The following CNTN4 variants were observed in gnomAD, a reference collection of about 807,000 sequenced individuals.
CNTN4 encodes the protein contactin 4.
CNTN4 carries 77 observed loss-of-function variants against 122.5 expected under a neutral mutation model. The ratio of observed to expected loss-of-function variants is 0.63; its 90% CI spans 0.52 to 0.76. CNTN4 has a LOEUF of 0.76. CNTN4 is among the 30% of genes least tolerant of loss of function. The probability of loss-of-function intolerance (pLI) is 0.00; values close to 1 mark genes in which losing one functional copy is unlikely to be tolerated. For synonymous variants in CNTN4, 512 were observed against 447.0 expected, an observed-to-expected ratio of 1.15 and a Z score of -1.83; for missense variants, 1,256 against 1,259.1, an observed-to-expected ratio of 1.00 and a Z score of 0.04.
At chr3:2,449,740 A>G (rs761565026) in intron 3 of CNTN4, among the ~76,000 whole-genome samples, 1 of 152,162 alleles carries the variant, frequency 6.6e-6, no homozygotes, top group African/African-American at 2.4e-5. Context: ...TGGTATATTT[A>G]TGCAATGGAA....
chr3:2,786,358 G>A (rs2091830487), intron 6 of CNTN4, among the ~76,000 whole-genome samples: 1 of 152,186 alleles, frequency 6.6e-6, no homozygotes, highest in South Asian at 2.1e-4. Context: ...GGGGCCACAG[G>A]CAACCCCTAG....
chr3:2,660,123 T>A lies in CNTN4; in HGVS notation c.56-76092T>A, dbSNP rs147435024. Among the ~76,000 whole-genome samples the A allele has an allele frequency of 3.4e-4, 52 of 152,226 alleles. 1 individual carries two copies. The highest frequency in any genetic ancestry group is 6.2e-4 in the Non-Finnish European group (42 of 68,022). Reference sequence around the variant, plus strand: ...GACTGTGAATAATCTATGTGAGGAGTGACCTCAGTTCATTTGAAAGCATCC... The same window carrying A: ...GACTGTGAATAATCTATGTGAGGAGAGACCTCAGTTCATTTGAAAGCATCC... On this transcript the variant is annotated intron_variant, in intron 4 of 24. Coordinates refer to ENST00000418658, the MANE Select transcript of CNTN4 (RefSeq NM_175607.3).
intron 3 of CNTN4, among the ~76,000 whole-genome samples, chr3:2,481,055 T>TTCTTTCTTTCTTTCTTTCTTTCTC (rs1213100693): frequency 0.026 from 3,498 of 134,532 alleles, 78 homozygotes; most frequent in Middle Eastern, 0.046. Flanking sequence ...CTTTCTTTCT[T>TTCTTTCTTTCTTTCTTTCTTTCTC]TCTTTCTCTC....
At chr3:2,735,835 C>G (rs2089045690) in intron 4 of CNTN4, 18 of 398,586 alleles carry the variant, frequency 4.5e-5, no homozygotes, top group South Asian at 3.3e-4. Flanking sequence ...AAAATGTTAG[C>G]TTTATGACAC....
At chr3:2,367,372 A>G (rs1950265277) in intron 3 of CNTN4, among the ~76,000 whole-genome samples, 1 of 152,208 alleles carries the variant, frequency 6.6e-6, no homozygotes, top group African/African-American at 2.4e-5. Context: ...CTCCCCAATC[A>G]GATTTTTGGA....
chr3:2,232,308 G>C (rs955225175), intron 2 of CNTN4, among the ~76,000 whole-genome samples: 1 of 152,072 alleles, frequency 6.6e-6, no homozygotes, highest in Non-Finnish European at 1.5e-5. Context: ...AAAACATTCA[G>C]AGTAGTTGAA....
intron 9 of CNTN4, among the ~76,000 whole-genome samples, chr3:2,885,454 A>ATT (rs1380142614): frequency 6.6e-6 from 1 of 152,212 alleles, no homozygotes; most frequent in East Asian, 1.9e-4. Flanking sequence ...TTCTCAATAT[A>ATT]TAAATGACAA....
intron 4 of CNTN4, among the ~76,000 whole-genome samples, chr3:2,688,504 A>G (rs1221647092): frequency 6.6e-6 from 1 of 152,222 alleles, no homozygotes; most frequent in Admixed American, 6.5e-5. Flanking sequence ...TCATATGCAC[A>G]CAGCTCCTTG....
intron 5 of CNTN4, among the ~76,000 whole-genome samples, chr3:2,738,763 C>A (rs1003905373): frequency 1.3e-5 from 2 of 151,960 alleles, no homozygotes; most frequent in African/African-American, 4.8e-5. Flanking sequence ...AAAATCAATT[C>A]CGAGTGTATA....
rs192711626 is a variant in CNTN4 at position 2,658,457 on chromosome 3, C to T, written c.56-77758C>T. Among the ~76,000 whole-genome samples the T allele has an allele frequency of 8.2e-4, 125 of 152,262 alleles. No individual in the cohort carries two copies. The South Asian group carries it at 0.018, about 22-fold the overall frequency. On this transcript the variant is annotated intron_variant, in intron 4 of 24. Coordinates refer to ENST00000418658, the MANE Select transcript of CNTN4 (RefSeq NM_175607.3). The stretch of plus-strand genomic sequence containing the variant: ...TGACTATGAAGGCAGGTACCATGGA[C>T]ACTCTCATTTGTCAAAGACGGAAAA...
intron 13 of CNTN4, among the ~76,000 whole-genome samples, chr3:2,981,280 T>TA (rs1158666705): frequency 3.3e-5 from 5 of 151,680 alleles, no homozygotes; most frequent in Non-Finnish European, 7.4e-5. Context: ...CCGTCTCTAC[T>TA]AAAAATACAA....
intron 23 of CNTN4, among the ~76,000 whole-genome samples, chr3:3,044,786 G>A (rs969161069): frequency 7.2e-5 from 11 of 152,312 alleles, no homozygotes; most frequent in South Asian, 6.2e-4. Flanking sequence ...GAAGTGCACC[G>A]AGCATAAGCT....
rs180775126 is a variant in CNTN4, at chr3:2,538,868, A to G, written c.-88-32548A>G. 3.3e-4 allele frequency among the ~76,000 whole-genome samples: 50 copies of G among 151,848 alleles called. 2 individuals carry two copies. The Middle Eastern group carries it at 0.01, about 31-fold the overall frequency. ...ATGCACACACAGACACACACCCACA[A>G]TGTTCTTTAATTTGATTTATTACTT... On this transcript the variant is annotated intron_variant, in intron 3 of 24. Transcript: ENST00000418658.
chr3:2,403,097 C>T (rs1305400158), intron 3 of CNTN4, among the ~76,000 whole-genome samples: 1 of 152,054 alleles, frequency 6.6e-6, no homozygotes, highest in African/African-American at 2.4e-5. Flanking sequence ...GATAGCAATC[C>T]TTGGCCTTCT....
intron 4 of CNTN4, among the ~76,000 whole-genome samples, chr3:2,598,518 G>A (rs1333069064): frequency 1.3e-5 from 2 of 152,130 alleles, no homozygotes; most frequent in East Asian, 1.9e-4. Flanking sequence ...GTGTATGTGA[G>A]TGAGTGTGTA....
chr3:2,496,117 A>C (rs1014552458), intron 3 of CNTN4, among the ~76,000 whole-genome samples: 1 of 152,238 alleles, frequency 6.6e-6, no homozygotes, highest in African/African-American at 2.4e-5. Context: ...GTTATAAAAC[A>C]AAAGAAAGTT....
intron 3 of CNTN4, among the ~76,000 whole-genome samples, chr3:2,340,925 A>C (rs2044187075): frequency 1.3e-5 from 2 of 151,830 alleles, no homozygotes; most frequent in South Asian, 4.2e-4. Flanking sequence ...GATCTGGAAC[A>C]GACTCTGCAG....
At chr3:2,935,450 A>G (rs1009332295) in intron 13 of CNTN4, among the ~76,000 whole-genome samples, 16 of 152,174 alleles carry the variant, frequency 1.1e-4, no homozygotes, top group African/African-American at 3.4e-4. Flanking sequence ...GAATTTTGCA[A>G]TGATTCAACC....
At chr3:2,835,178 T>G (rs998529430) in intron 7 of CNTN4, among the ~76,000 whole-genome samples, 7 of 152,152 alleles carry the variant, frequency 4.6e-5, no homozygotes, top group Non-Finnish European at 1.0e-4. Context: ...GTGCTGGGAT[T>G]ACAGGCATGA....
Sources: gnomAD v4.1 joint callset for allele counts (sites outside exome capture counted in the v4.1 genomes callset) on GRCh38, gnomAD v4.1.1 for gene constraint, MANE v1.5 for transcripts, NCBI Gene and HGNC (gene_info 2026-07-23, HGNC 2026-07-21) for gene names.